The following EVI5 variants were observed in gnomAD, a reference collection of about 807,000 sequenced individuals.
EVI5 encodes ecotropic viral integration site 5 protein homolog.
In EVI5, 73 loss-of-function variants were observed where a neutral mutation model predicts 112.0. The ratio of observed to expected loss-of-function variants is 0.65; its 90% CI spans 0.54 to 0.79. The LOEUF is 0.79. Among genes scored for constraint, EVI5 ranks in the 30% least tolerant of loss-of-function variants. EVI5 has a pLI of 0.00. For synonymous variants in EVI5, 305 were observed against 319.9 expected (o/e 0.95, Z 0.50); for missense variants, 900 against 968.8 (o/e 0.93, Z 0.94).
chr1:92,628,395 C>A (rs1656162396), intron 14 of EVI5, among the ~76,000 whole-genome samples: 1 of 152,164 alleles, frequency 6.6e-6, no homozygotes, highest in South Asian at 2.1e-4. Context: ...TCATGAAATC[C>A]TTGCCTAAGC....
chr1:92,732,952 C>T (rs570617708), intron 2 of EVI5: 37 of 150,614 alleles, frequency 2.5e-4, no homozygotes, highest in African/African-American at 8.3e-4. Context: ...GTGGCTCACA[C>T]CTGTAATCCT....
intron 13 of EVI5, among the ~76,000 whole-genome samples, chr1:92,650,959 C>T (rs1362181939): frequency 6.6e-6 from 1 of 152,148 alleles, no homozygotes; most frequent in Non-Finnish European, 1.5e-5. Context: ...CAAATCTTAG[C>T]TCCTCAGGGA....
chr1:92,783,100 C>T (rs374851963), intron 1 of EVI5, among the ~76,000 whole-genome samples: 1 of 152,094 alleles, frequency 6.6e-6, no homozygotes, highest in East Asian at 1.9e-4. Context: ...GGATCACATG[C>T]GTGAGCCACC....
intron 13 of EVI5, among the ~76,000 whole-genome samples, chr1:92,652,367 T>C (rs950343818): frequency 2.0e-5 from 3 of 152,200 alleles, no homozygotes; most frequent in Non-Finnish European, 2.9e-5. Flanking sequence ...TTATTGTTAC[T>C]AGATACAGAG....
chr1:92,756,212 C>A, intron 1 of EVI5: 1 of 413,718 alleles, frequency 2.4e-6, no homozygotes, highest in Non-Finnish European at 4.9e-6. Context: ...TCATTAGAAA[C>A]CTATCAGTGG....
upstream of EVI5, among the ~76,000 whole-genome samples, chr1:92,785,438 T>TGACTTC (rs1685528893): frequency 1.3e-5 from 2 of 152,198 alleles, no homozygotes; most frequent in South Asian, 4.1e-4. Context: ...AGCCTGACTT[T>TGACTTC]CAGGGCCCTG....
At chr1:92,529,482 T>C (rs924626387) in intron 19 of EVI5, among the ~76,000 whole-genome samples, 1 of 152,248 alleles carries the variant, frequency 6.6e-6, no homozygotes, top group African/African-American at 2.4e-5. Flanking sequence ...TTTTGTGTCA[T>C]ATGTATTCAT....
intron 18 of EVI5, among the ~76,000 whole-genome samples, chr1:92,585,054 T>C (rs995605014): frequency 1.3e-5 from 2 of 151,836 alleles, no homozygotes; most frequent in Admixed American, 1.3e-4. Context: ...TGAAACCCCA[T>C]CTCTATTGAA....
intron 13 of EVI5, among the ~76,000 whole-genome samples, chr1:92,650,395 A>C (rs1661875102): frequency 1.3e-5 from 2 of 152,156 alleles, no homozygotes; most frequent in South Asian, 4.1e-4. Context: ...TTTTCAGAGT[A>C]CAAGTCTTTA....
chr1:92,566,510 GATA>G (rs1669515767), intron 18 of EVI5, among the ~76,000 whole-genome samples: 2 of 152,172 alleles, frequency 1.3e-5, no homozygotes, highest in African/African-American at 4.8e-5. Flanking sequence ...ATGCACAGTG[GATA>G]ATAATTGACA....
intron 10 of EVI5, among the ~76,000 whole-genome samples, chr1:92,670,134 C>T (rs1025433958): frequency 6.6e-6 from 1 of 152,112 alleles, no homozygotes; most frequent in Non-Finnish European, 1.5e-5. Flanking sequence ...TATCTTGTAA[C>T]TTATTAATTC....
chr1:92,714,626 G>C (rs1368485323), intron 2 of EVI5, among the ~76,000 whole-genome samples: 1 of 152,178 alleles, frequency 6.6e-6, no homozygotes, highest in Non-Finnish European at 1.5e-5. Flanking sequence ...GTCTTGCTCT[G>C]TCTCTCAGGC....
intron 9 of EVI5, among the ~76,000 whole-genome samples, chr1:92,692,843 C>A (rs1669709122): frequency 6.6e-6 from 1 of 152,136 alleles, no homozygotes; most frequent in African/African-American, 2.4e-5. Context: ...GTACTGTTAT[C>A]ATTTTAAAGC....
chr1:92,705,426 G>C (rs945735322), intron 2 of EVI5, among the ~76,000 whole-genome samples: 1 of 152,186 alleles, frequency 6.6e-6, no homozygotes, highest in Non-Finnish European at 1.5e-5. Context: ...ACAGGATATA[G>C]CTGCGTGGGA....
At chr1:92,629,846 G>C (rs1011855984) in intron 14 of EVI5, among the ~76,000 whole-genome samples, 2 of 130,378 alleles carry the variant, frequency 1.5e-5, no homozygotes, top group Non-Finnish European at 3.1e-5. Flanking sequence ...GCCCCAGGGT[G>C]CGATGTTCCC....
intron 5 of EVI5, among the ~76,000 whole-genome samples, chr1:92,699,736 A>C (rs1009858036): frequency 6.6e-6 from 1 of 152,336 alleles, no homozygotes; most frequent in African/African-American, 2.4e-5. Context: ...ACATGATGGC[A>C]CATGTTTGTG....
intron 18 of EVI5, among the ~76,000 whole-genome samples, chr1:92,594,091 A>T (rs2101372852): frequency 6.6e-6 from 1 of 152,364 alleles, no homozygotes. Flanking sequence ...GAACCAAAAA[A>T]GAGCCTGCAT....
intron 1 of EVI5, among the ~76,000 whole-genome samples, chr1:92,780,882 C>T (rs1362552730): frequency 1.3e-5 from 2 of 149,754 alleles, no homozygotes; most frequent in African/African-American, 4.9e-5. Flanking sequence ...GACCGAGTCT[C>T]ACTCTGTCGC....
intron 1 of EVI5, among the ~76,000 whole-genome samples, chr1:92,752,008 C>A (rs547176879): frequency 6.1e-4 from 92 of 151,978 alleles, no homozygotes; most frequent in Non-Finnish European, 1.1e-3. Flanking sequence ...AGAGAGACAC[C>A]CTGTCTTAAA....
Sources: gnomAD v4.1 joint callset for allele counts (sites outside exome capture counted in the v4.1 genomes callset) on GRCh38, gnomAD v4.1.1 for gene constraint, MANE v1.5 for transcripts, NCBI Gene and HGNC (gene_info 2026-07-23, HGNC 2026-07-21) for gene names.